Variants in UBE2E1 observed in about 807,000 individuals in gnomAD.
UBE2E1 encodes the protein ubiquitin conjugating enzyme E2 E1.
UBE2E1 carries 6 observed loss-of-function variants against 21.4 expected under a neutral mutation model. The observed-to-expected ratio is 0.28, with a 90% CI of 0.15 to 0.55. UBE2E1 has a LOEUF of 0.55. Among genes scored for constraint, UBE2E1 ranks in the 20% least tolerant of loss-of-function variants. UBE2E1 has a pLI of 0.93. For synonymous variants in UBE2E1, 87 were observed against 82.7 expected, an observed-to-expected ratio of 1.05 and a Z score of -0.28; for missense variants, 142 against 236.5, an observed-to-expected ratio of 0.60 and a Z score of 2.62.
At chr3:23,890,114 A>C (rs1474341995) in intron 5 of UBE2E1, among the ~76,000 whole-genome samples, 1 of 152,218 alleles carries the variant, frequency 6.6e-6, no homozygotes, top group Non-Finnish European at 1.5e-5. Flanking sequence ...CAGTATTCAC[A>C]ATGCCGTTAA....
chr3:23,863,368 C>G lies in UBE2E1; in HGVS notation c.204-24199C>G, dbSNP rs916306093. 6.6e-6 allele frequency among the ~76,000 whole-genome samples: 1 copy of G among 152,026 alleles called. No individual in the cohort carries two copies. The highest frequency in any genetic ancestry group is 1.5e-5 in the Non-Finnish European group (1 of 67,996). ...CTTCCTTGCTTGACTACCTCCCTCCCCAAGTTATTCTCTCACCTTTTCCCC... is the reference window on the plus strand; with the variant it reads ...CTTCCTTGCTTGACTACCTCCCTCCGCAAGTTATTCTCTCACCTTTTCCCC... On this transcript the variant is annotated intron_variant, in intron 3 of 5. Transcript: ENST00000306627. This position sits in a 1 kb window ranked among gnomAD's most constrained non-coding sequence, Gnocchi z 4.3.
chr3:23,846,979 T>C (rs1489875041), intron 3 of UBE2E1, among the ~76,000 whole-genome samples: 1 of 152,226 alleles, frequency 6.6e-6, no homozygotes, highest in Admixed American at 6.5e-5. Context: ...ATGTTAATCA[T>C]GTTATTACAC....
At chr3:23,858,143 C>T (rs1700479411) in intron 3 of UBE2E1, among the ~76,000 whole-genome samples, 1 of 152,114 alleles carries the variant, frequency 6.6e-6, no homozygotes, top group South Asian at 2.1e-4. Context: ...TGGCAGATAC[C>T]ACTTGGGGCT....
At chr3:23,883,888 C>T (rs1384275191) in intron 3 of UBE2E1, among the ~76,000 whole-genome samples, 1 of 143,706 alleles carries the variant, frequency 7.0e-6, no homozygotes, top group Non-Finnish European at 1.5e-5. Context: ...TGCACTCCAA[C>T]CTGGGTGACA....
At chr3:23,812,132 G>C (rs1699408096) in intron 3 of UBE2E1, among the ~76,000 whole-genome samples, 1 of 151,884 alleles carries the variant, frequency 6.6e-6, no homozygotes, top group South Asian at 2.1e-4. Flanking sequence ...GCTTTCTAAG[G>C]GTTTGTTGAT....
At chr3:23,835,400 C>G (rs543984188) in intron 3 of UBE2E1, among the ~76,000 whole-genome samples, 1 of 152,006 alleles carries the variant, frequency 6.6e-6, no homozygotes, top group Non-Finnish European at 1.5e-5. Context: ...CCCAGGAGGT[C>G]GAGGCTAAGT....
chr3:23,807,552 G>A (rs1344421495), intron 2 of UBE2E1, 131 bp downstream of exon 2: 1 of 1,130,630 alleles, frequency 8.8e-7, no homozygotes, highest in Non-Finnish European at 1.2e-6. Context: ...TGAAAGAAGG[G>A]CCTTGGAAGC....
chr3:23,826,513 G>A (rs1261371950), intron 3 of UBE2E1, among the ~76,000 whole-genome samples: 1 of 152,182 alleles, frequency 6.6e-6, no homozygotes, highest in East Asian at 1.9e-4. Context: ...AGGGAAACTA[G>A]GAGAGTTGGG....
intron 3 of UBE2E1, among the ~76,000 whole-genome samples, chr3:23,880,774 G>T (rs1218036165): frequency 2.0e-5 from 3 of 152,182 alleles, no homozygotes; most frequent in African/African-American, 7.2e-5. Context: ...ATGTTACTTT[G>T]TGGAGTTACC....
At chr3:23,837,376 C>T (rs936098203) in intron 3 of UBE2E1, among the ~76,000 whole-genome samples, 4 of 152,164 alleles carry the variant, frequency 2.6e-5, no homozygotes, top group African/African-American at 9.7e-5. Context: ...GTTCCAAACC[C>T]AGCACTAATA....
At chr3:23,868,453 C>T (rs768275421) in intron 3 of UBE2E1, among the ~76,000 whole-genome samples, 9 of 152,078 alleles carry the variant, frequency 5.9e-5, no homozygotes, top group African/African-American at 1.2e-4. Context: ...GGACTACAGG[C>T]GCCCACTAAC....
At chr3:23,884,226 A>G (rs1252078984) in intron 3 of UBE2E1, among the ~76,000 whole-genome samples, 2 of 55,140 alleles carry the variant, frequency 3.6e-5, no homozygotes, top group East Asian at 2.5e-4. Flanking sequence ...CCTAAATTGC[A>G]AACAGATTAG....
intron 2 of UBE2E1, among the ~76,000 whole-genome samples, chr3:23,809,365 G>A (rs563761723): frequency 2.4e-4 from 37 of 152,304 alleles, no homozygotes; most frequent in African/African-American, 8.9e-4. Flanking sequence ...TGGAAGGTAG[G>A]TGTTGCCCAT....
chr3:23,867,612 C>T (rs1222807395), intron 3 of UBE2E1, among the ~76,000 whole-genome samples: 1 of 152,148 alleles, frequency 6.6e-6, no homozygotes, highest in Admixed American at 6.5e-5. Context: ...GCTCTCCGGT[C>T]CCCCTGTCTC....
chr3:23,812,981 G>A (rs896675433), intron 3 of UBE2E1, among the ~76,000 whole-genome samples: 1 of 141,396 alleles, frequency 7.1e-6, no homozygotes, highest in Non-Finnish European at 1.5e-5. Context: ...AGATTTTCAT[G>A]GGATTAAGCA....
At chr3:23,844,451 T>C (rs1363090673) in intron 3 of UBE2E1, among the ~76,000 whole-genome samples, 1 of 152,076 alleles carries the variant, frequency 6.6e-6, no homozygotes, top group Non-Finnish European at 1.5e-5. Flanking sequence ...TTCCAAGGGG[T>C]ATACTCATTT....
intron 3 of UBE2E1, among the ~76,000 whole-genome samples, chr3:23,873,277 CTGCCTAGTT>C (rs1311832530): frequency 2.0e-5 from 3 of 152,118 alleles, no homozygotes; most frequent in African/African-American, 7.2e-5. Flanking sequence ...CTTGGGAGAA[CTGCCTAGTT>C]TTTCCCTGAT....
chr3:23,887,800 T>C lies in UBE2E1; in HGVS notation c.336+101T>C. The C allele has an allele frequency of 7.0e-7, 1 of 1,425,974 alleles. No individual in the cohort carries two copies. The highest frequency in any genetic ancestry group is 9.4e-7 in the Non-Finnish European group (1 of 1,063,798). The allele number at this position is 1,425,974 out of a possible 1,614,324, so 88.3% of individuals were successfully genotyped here. A position where few individuals can be genotyped will look rare whatever the true frequency, so the allele number is the denominator to read the frequency against. ...TTTTTAATCACAGAAACTAGATTTA[T>C]CTTATGTCCTAATAGATCTGAGTAT... On this transcript the variant is annotated intron_variant, in intron 4 of 5. Coordinates refer to ENST00000306627, the MANE Select transcript of UBE2E1 (RefSeq NM_003341.5). The surrounding 1 kb of genome is among the most constrained non-coding windows in gnomAD (Gnocchi z 4.4).
intron 3 of UBE2E1, among the ~76,000 whole-genome samples, chr3:23,844,026 G>T (rs755303220): frequency 6.6e-6 from 1 of 151,914 alleles, no homozygotes; most frequent in Non-Finnish European, 1.5e-5. Flanking sequence ...TGCTCTTAGG[G>T]CTCCTTTAAT....
Sources: allele counts gnomAD v4.1 joint callset (sites outside exome capture counted in the v4.1 genomes callset), GRCh38; gene constraint gnomAD v4.1.1; non-coding constraint Gnocchi (gnomAD v3.1); transcripts MANE v1.5; gene names NCBI Gene and HGNC (gene_info 2026-07-23, HGNC 2026-07-21).